Variants in XKRX observed in about 807,000 individuals in gnomAD.
XKRX encodes the protein XK related X-linked.
A neutral mutation model predicts 22.4 loss-of-function variants in XKRX; 11 were observed. The observed-to-expected ratio is 0.49, with a 90% CI of 0.31 to 0.81. The LOEUF is 0.81. Ranked by LOEUF, XKRX falls within the 40% of genes least tolerant of loss-of-function variation. The pLI is 0.05. For missense variants in XKRX, 320 were observed against 336.5 expected, an observed-to-expected ratio of 0.95 and a Z score of 0.38; for synonymous variants, 114 against 132.2, an observed-to-expected ratio of 0.86 and a Z score of 0.94.
At chrX:100,930,221 A>G (rs1444857001), upstream of XKRX, among the ~76,000 whole-genome samples, 1 of 108,732 alleles carries the variant, frequency 9.2e-6, no homozygotes, top group Non-Finnish European at 1.9e-5. Flanking sequence ...CCCGGACGGC[A>G]GAGGTTGCAG....
downstream of XKRX, among the ~76,000 whole-genome samples, chrX:100,912,526 G>C (rs1405155296): frequency 8.9e-6 from 1 of 112,294 alleles, no homozygotes; most frequent in Non-Finnish European, 1.9e-5. Flanking sequence ...TTGGATAAGA[G>C]GAGAGGAAAT....
At chrX:100,907,197 T>A in the XKRX span, among the ~76,000 whole-genome samples, 16 of 107,778 alleles carry the variant, frequency 1.5e-4, no homozygotes, top group South Asian at 7.8e-4. Context: ...ACTTAAAAAA[T>A]TTTTTTTTTA....
At chrX:100,892,781 A>C in the XKRX span, among the ~76,000 whole-genome samples, 1 of 112,568 alleles carries the variant, frequency 8.9e-6, no homozygotes, top group African/African-American at 3.2e-5. Context: ...TTCCTAAAAA[A>C]GTTAAAAACA....
the XKRX span, among the ~76,000 whole-genome samples, chrX:100,906,193 C>T: frequency 1.6e-4 from 18 of 111,749 alleles, no homozygotes; most frequent in Admixed American, 2.9e-4. Context: ...CCTCCCTCTT[C>T]ATCAACATCC....
At chrX:100,916,077 CCACACACACACACA>C (rs72334101) in intron 2 of XKRX, among the ~76,000 whole-genome samples, 1 of 97,034 alleles carries the variant, frequency 1.0e-5, no homozygotes, top group Non-Finnish European at 2.1e-5. Flanking sequence ...TTAAGTTTTA[CCACACACACACACA>C]CACACACACA....
At chrX:100,917,627 A>AG (rs1569454616) in intron 2 of XKRX, among the ~76,000 whole-genome samples, 36 of 78,129 alleles carry the variant, frequency 4.6e-4, no homozygotes, top group African/African-American at 1.6e-3. Flanking sequence ...AAAGAAAGAG[A>AG]AAGAAAGAAG....
At position 100,928,526 on chromosome X, in the gene XKRX, A is replaced by C. The variant is rs2147944868; in HGVS notation, c.-222T>G. On this transcript the variant is annotated 5_prime_UTR_variant, in exon 1 of 3. Transcript: ENST00000372956. Reference sequence around the variant, plus strand: ...GGAAAGCCCAGGAGTACCACTTTGAACTTGACTCTTGATTGGCCCCGATTC... The same window carrying C: ...GGAAAGCCCAGGAGTACCACTTTGACCTTGACTCTTGATTGGCCCCGATTC... 1.9e-6 allele frequency: 2 copies of C among 1,033,352 alleles called. No homozygotes were observed. Among genetic ancestry groups the C allele is most frequent in the Non-Finnish European group, 1.2e-6 (1 of 812,619 alleles). The allele number at this position is 1,033,352 out of a possible 1,213,427, so 85.2% of individuals were successfully genotyped here.
Position 100,914,359 on chromosome X carries a change from T to C in XKRX, c.1329A>G (p.Glu443=), listed in dbSNP as rs1308344070. Residue 443 remains glutamate, a synonymous_variant, in exon 3 of 3, where the codon GAA becomes GAG. Transcript: ENST00000372956. The part of the protein sequence containing the change: ...VENSEPPFET[E]ARQSVV ...AGAATCAGACAACACTTTGCCTTGC[T>C]TCAGTCTCAAAGGGTGGCTCTGAGT... The C allele has an allele frequency of 1.2e-5, 14 of 1,208,914 alleles. No individual in the cohort carries two copies. The highest frequency in any genetic ancestry group is 1.6e-5 in the Non-Finnish European group (14 of 894,513).
the XKRX span, among the ~76,000 whole-genome samples, chrX:100,954,310 T>C: frequency 9.0e-6 from 1 of 110,568 alleles, no homozygotes; most frequent in African/African-American, 3.3e-5. Context: ...TCACAGCTAC[T>C]TGGGAGCCTG....
chrX:100,939,254 A>G, the XKRX span, among the ~76,000 whole-genome samples: 18 of 112,066 alleles, frequency 1.6e-4, no homozygotes, highest in African/African-American at 4.5e-4. Context: ...GAATATATGT[A>G]TTAATCTTGT....
chrX:100,951,152 T>C, the XKRX span, among the ~76,000 whole-genome samples: 48 of 102,277 alleles, frequency 4.7e-4, no homozygotes, highest in African/African-American at 1.6e-3. Context: ...GAGAATCGCT[T>C]GAACCCAGGA....
the XKRX span, among the ~76,000 whole-genome samples, chrX:100,946,189 GAA>G: frequency 1.7e-5 from 1 of 58,503 alleles, no homozygotes; most frequent in Non-Finnish European, 3.5e-5. Flanking sequence ...CGTCTAAAAA[GAA>G]AAAAAAAAAA....
chrX:100,954,247 C>T, the XKRX span, among the ~76,000 whole-genome samples: 2 of 110,674 alleles, frequency 1.8e-5, no homozygotes, highest in Non-Finnish European at 3.8e-5. Context: ...GGTGAAACCC[C>T]ATCTCTACTA....
the XKRX span, among the ~76,000 whole-genome samples, chrX:100,895,856 TC>T: frequency 8.9e-6 from 1 of 111,999 alleles, no homozygotes; most frequent in Middle Eastern, 4.6e-3. Flanking sequence ...AATCAGGCTG[TC>T]AGGGCTGTTT....
intron 2 of XKRX, among the ~76,000 whole-genome samples, chrX:100,918,022 T>C (rs2085453958): frequency 9.0e-6 from 1 of 111,453 alleles, no homozygotes; most frequent in South Asian, 3.8e-4. Flanking sequence ...GCCCTTTCCT[T>C]TTCTTCCTTT....
At position 100,914,139 on chromosome X, in the gene XKRX, AC is replaced by A; in HGVS notation, c.*198del. On this transcript the variant is annotated 3_prime_UTR_variant, in exon 3 of 3. Transcript: ENST00000372956. ...TGACCCTTTCAACTATATAGTCGATACCCCCTGTTTCCAAACATAGTGGTAA... is the reference window on the plus strand; with the variant it reads ...TGACCCTTTCAACTATATAGTCGATACCCCTGTTTCCAAACATAGTGGTAA... 4.2e-6 allele frequency: 2 copies of A among 480,458 alleles called. No individual in the cohort carries two copies. Among genetic ancestry groups the A allele is most frequent in the East Asian group, 6.8e-5 (2 of 29,564 alleles). 39.6% of individuals were successfully genotyped at this position (480,458 alleles called of 1,213,427 possible). A position where few individuals can be genotyped will look rare whatever the true frequency, so the allele number is the denominator to read the frequency against.
chrX:100,900,336 C>T, the XKRX span, among the ~76,000 whole-genome samples: 70 of 110,849 alleles, frequency 6.3e-4, no homozygotes, highest in South Asian at 0.023. Flanking sequence ...TCTGGGATTA[C>T]AGGTGTGAGC....
the XKRX span, among the ~76,000 whole-genome samples, chrX:100,954,852 A>G: frequency 1.6e-4 from 18 of 112,576 alleles, no homozygotes; most frequent in African/African-American, 5.2e-4. Flanking sequence ...TGATATGTCC[A>G]AAATAGGCAA....
chrX:100,908,750 C>T (rs2085396941), downstream of XKRX, among the ~76,000 whole-genome samples: 1 of 111,907 alleles, frequency 8.9e-6, no homozygotes, highest in African/African-American at 3.2e-5. Flanking sequence ...AGATATAAAG[C>T]CCCATGGGCT....
Sources: gnomAD v4.1 joint callset for allele counts (sites outside exome capture counted in the v4.1 genomes callset) on GRCh38, gnomAD v4.1.1 for gene constraint, MANE v1.5 for transcripts, NCBI Gene and HGNC (gene_info 2026-07-23, HGNC 2026-07-21) for gene names.